LMBRD1: variants seen among roughly 807,000 people sequenced by gnomAD.
LMBRD1 encodes the protein LMBR1 domain containing 1, also known as lysosomal cobalamin transport escort protein LMBD1.
Under a neutral mutation model 74.8 loss-of-function variants are expected in LMBRD1, and 64 were observed. The observed-to-expected ratio is 0.86, with a 90% CI of 0.70 to 1.05. LMBRD1 has a LOEUF of 1.05. Among genes scored for constraint, LMBRD1 ranks in the 50% least tolerant of loss-of-function variants. The pLI, the probability that LMBRD1 is intolerant of heterozygous loss-of-function variation, is 0.00. For synonymous variants in LMBRD1, 204 were observed against 216.3 expected (o/e 0.94, Z 0.50); for missense variants, 652 against 645.9 (o/e 1.01, Z -0.10).
intron 14 of LMBRD1, among the ~76,000 whole-genome samples, chr6:69,692,477 G>T (rs1765908549): frequency 6.6e-6 from 1 of 152,056 alleles, no homozygotes; most frequent in Admixed American, 6.5e-5. Context: ...TTAGGTTAAT[G>T]AATTTTTATA....
intron 9 of LMBRD1, among the ~76,000 whole-genome samples, chr6:69,711,599 G>C (rs1766385196): frequency 6.6e-6 from 1 of 151,892 alleles, no homozygotes; most frequent in African/African-American, 2.4e-5. Flanking sequence ...AAATCACCTT[G>C]GGGTAAAAAA....
At chr6:69,784,083 T>G (rs879579274) in intron 2 of LMBRD1, among the ~76,000 whole-genome samples, 1 of 152,228 alleles carries the variant, frequency 6.6e-6, no homozygotes, top group Non-Finnish European at 1.5e-5. Flanking sequence ...GCCTCCAAGA[T>G]ACTTGATGTA....
At chr6:69,772,747 T>C (rs952401005) in intron 3 of LMBRD1, among the ~76,000 whole-genome samples, 1 of 152,200 alleles carries the variant, frequency 6.6e-6, no homozygotes, top group African/African-American at 2.4e-5. Context: ...AGTCTCAGTC[T>C]TTCTATCTTG....
At chr6:69,771,677 G>C (rs969345648) in intron 3 of LMBRD1, among the ~76,000 whole-genome samples, 7 of 147,816 alleles carry the variant, frequency 4.7e-5, no homozygotes, top group East Asian at 1.9e-4. Flanking sequence ...GGCCCTGCAG[G>C]CTTCAGTAAT....
At chr6:69,715,406 T>C (rs1223034971) in intron 8 of LMBRD1, among the ~76,000 whole-genome samples, 5 of 152,214 alleles carry the variant, frequency 3.3e-5, no homozygotes. Context: ...ATTTCCATTC[T>C]GCATTGCCAA....
At chr6:69,760,456 A>G (rs1377087117) in intron 3 of LMBRD1, among the ~76,000 whole-genome samples, 1 of 152,240 alleles carries the variant, frequency 6.6e-6, no homozygotes, top group Non-Finnish European at 1.5e-5. Flanking sequence ...AAGAAATGGC[A>G]TCAGGAAAAA....
chr6:69,780,233 T>G (rs1165743728), intron 3 of LMBRD1, among the ~76,000 whole-genome samples: 1 of 151,466 alleles, frequency 6.6e-6, no homozygotes, highest in African/African-American at 2.4e-5. Flanking sequence ...TATACCTGAC[T>G]GGTATCCGTG....
rs1205521294 is a variant in LMBRD1, at chr6:69,701,892, G to C, written c.977C>G (p.Ser326Ter). The change falls in exon 10 of 16, where the codon TCA becomes TGA. Residue 326 changes from serine (S) to a stop codon, truncating the protein, a stop_gained. Coordinates refer to ENST00000649934, the MANE Select transcript of LMBRD1 (RefSeq NM_018368.4). LOFTEE classifies it high-confidence loss of function. Reference sequence around the variant, plus strand: ...AAAATGTGTCTACTGTACTTACTTTGACAAGAAGAGAGAAATTACAAACAG... The same window carrying C: ...AAAATGTGTCTACTGTACTTACTTTCACAAGAAGAGAGAAATTACAAACAG... ...ALLFVISLFL[S>*]NLDKALHSAG... 1 of 1,589,226 alleles carries C rather than the reference G, an allele frequency of 6.3e-7. No individual in the cohort carries two copies. Among genetic ancestry groups the C allele is most frequent in the Non-Finnish European group, 8.6e-7 (1 of 1,158,412 alleles).
intron 14 of LMBRD1, among the ~76,000 whole-genome samples, chr6:69,683,153 C>T (rs949405244): frequency 6.6e-6 from 1 of 151,980 alleles, no homozygotes; most frequent in Non-Finnish European, 1.5e-5. Context: ...TCCCCAGCAA[C>T]ATCCAAGAAA....
At chr6:69,746,226 C>G (rs1767225952) in intron 5 of LMBRD1, 1 of 153,732 alleles carries the variant, frequency 6.5e-6, no homozygotes, top group Admixed American at 6.5e-5. Context: ...CAAAAGGATC[C>G]TCGTCTCTGC....
Position 69,780,610 on chromosome 6 carries a change from TAA to T in LMBRD1, c.247-58_247-57del, listed in dbSNP as rs1562124398. On this transcript the variant is annotated intron_variant, in intron 2 of 15. Transcript: ENST00000649934. Reference sequence around the variant, plus strand: ...ATGAAACACCCATTTGCCTAACAATTAAAAGTCAAGTTTTAATACGACTGAAT... The same window carrying T: ...ATGAAACACCCATTTGCCTAACAATTAAGTCAAGTTTTAATACGACTGAAT... The T allele has an allele frequency of 4.4e-6, 6 of 1,362,786 alleles. No homozygotes were observed. In the East Asian group the frequency reaches 6.9e-5, roughly 16 times the overall value. 84.4% of individuals were successfully genotyped at this position (1,362,786 alleles called of 1,614,324 possible). A position where few individuals can be genotyped will look rare whatever the true frequency, so the allele number is the denominator to read the frequency against.
chr6:69,682,627 T>G lies in LMBRD1; in HGVS notation c.1418-6086A>C, dbSNP rs553956758. Among the ~76,000 whole-genome samples the G allele has an allele frequency of 2.6e-5, 4 of 152,090 alleles. No individual in the cohort carries two copies. In the South Asian group the frequency reaches 6.2e-4, roughly 24 times the overall value. ...TCTGTATAAGTGAACTCTAAATTAC[T>G]GAGACTTACTATCTGCTGGTTGTAA... On this transcript the variant is annotated intron_variant, in intron 14 of 15. Transcript: ENST00000649934.
intron 3 of LMBRD1, among the ~76,000 whole-genome samples, chr6:69,765,239 T>G (rs1463690862): frequency 6.6e-6 from 1 of 152,104 alleles, no homozygotes; most frequent in East Asian, 1.9e-4. Context: ...CTCCCTTAAT[T>G]TCTTCTAAAA....
intron 8 of LMBRD1, among the ~76,000 whole-genome samples, chr6:69,717,675 G>A (rs1766521914): frequency 6.6e-6 from 1 of 152,056 alleles, no homozygotes; most frequent in African/African-American, 2.4e-5. Context: ...TATAGCACAG[G>A]TTTTGAATTG....
intron 8 of LMBRD1, among the ~76,000 whole-genome samples, chr6:69,717,437 A>G (rs920784738): frequency 6.6e-6 from 1 of 152,182 alleles, no homozygotes; most frequent in African/African-American, 2.4e-5. Flanking sequence ...ATTAAGTATT[A>G]TGCTCATTAG....
At chr6:69,677,076 A>G (rs1004196637) in intron 14 of LMBRD1, among the ~76,000 whole-genome samples, 3 of 152,196 alleles carry the variant, frequency 2.0e-5, no homozygotes, top group African/African-American at 7.2e-5. Context: ...TCAGTTTTAC[A>G]TGACACAGGA....
At chr6:69,780,039 C>T (rs59513679) in intron 3 of LMBRD1, among the ~76,000 whole-genome samples, 1,979 of 152,056 alleles carry the variant, frequency 0.013, 40 homozygotes, top group African/African-American at 0.046. Flanking sequence ...GGCGACATGG[C>T]CGTCCCCACA....
At chr6:69,750,474 TTAATAA>T (rs1235748882) in intron 4 of LMBRD1, among the ~76,000 whole-genome samples, 13 of 152,010 alleles carry the variant, frequency 8.6e-5, no homozygotes, top group African/African-American at 2.2e-4. Flanking sequence ...AATAAAAAAG[TTAATAA>T]TAATCTCATT....
intron 14 of LMBRD1, among the ~76,000 whole-genome samples, chr6:69,685,018 C>A (rs1017801930): frequency 6.6e-6 from 1 of 152,068 alleles, no homozygotes. Context: ...AAGGAACTTA[C>A]ATTTCTATAA....
Sources: gnomAD v4.1 joint callset for allele counts (sites outside exome capture counted in the v4.1 genomes callset) on GRCh38, gnomAD v4.1.1 for gene constraint, MANE v1.5 for transcripts, NCBI Gene and HGNC (gene_info 2026-07-23, HGNC 2026-07-21) for gene names.